KIF1C: variants seen among roughly 807,000 people sequenced by gnomAD.
KIF1C encodes kinesin family member 1C.
Under a neutral mutation model 126.5 loss-of-function variants are expected in KIF1C, and 61 were observed. The observed-to-expected ratio is 0.48, with a 90% CI of 0.39 to 0.60. The LOEUF is 0.60. Ranked by LOEUF, KIF1C falls within the 20% of genes least tolerant of loss-of-function variation. KIF1C has a pLI of 0.00. For synonymous variants in KIF1C, 640 were observed against 580.6 expected (o/e 1.10, Z -1.47); for missense variants, 1,315 against 1,489.2 (o/e 0.88, Z 1.93).
chr17:5,004,820 C>A, intron 12 of KIF1C, 35 bp from the exon 13 acceptor site: 1 of 1,613,898 alleles, frequency 6.2e-7, no homozygotes, highest in Non-Finnish European at 8.5e-7. Context: ...TCCCCTGCCC[C>A]CAGGCCTCAC....
rs757633145 is a variant in KIF1C at position 5,023,612 on chromosome 17, T to G, written c.2773T>G (p.Ser925Ala). 3 of 1,613,450 alleles carry G rather than the reference T, an allele frequency of 1.9e-6. No homozygotes were observed. Among genetic ancestry groups the G allele is most frequent in the Non-Finnish European group, 2.5e-6 (3 of 1,179,908 alleles). ...SPPLSSWERV[S>A]RLMEEDPAFR... ...ACCACTGTCAAGCTGGGAGCGGGTG[T>G]CACGGCTCATGGAGGAGGACCCTGC... is the stretch of plus-strand genomic sequence containing the variant. Residue 925 changes from serine (S) to alanine (A), a missense_variant, in exon 23 of 23, where the codon TCA becomes GCA. By Grantham distance (99) the Ser-to-Ala change is moderately conservative. Around this residue, in one of 2 missense-constraint regions of KIF1C, gnomAD observed 441 missense variants for 436.1 expected, o/e 1.01. Transcript: ENST00000320785. This position sits in a 1 kb window ranked among gnomAD's most constrained non-coding sequence, Gnocchi z 4.2.
intron 18 of KIF1C, 57 bp downstream of exon 18, chr17:5,014,894 C>T: frequency 7.2e-7 from 1 of 1,390,968 alleles, no homozygotes; most frequent in South Asian, 1.2e-5. Flanking sequence ...ATGTTCCACC[C>T]CACACACTGA....
intron 16 of KIF1C, among the ~76,000 whole-genome samples, chr17:5,007,755 A>G (rs903310721): frequency 1.3e-5 from 2 of 152,128 alleles, no homozygotes; most frequent in Admixed American, 1.3e-4. Context: ...AGTCAGCCTC[A>G]GGAGAGGGAG....
chr17:5,008,892 A>G (rs1974795734), intron 16 of KIF1C, among the ~76,000 whole-genome samples: 1 of 152,156 alleles, frequency 6.6e-6, no homozygotes, highest in Non-Finnish European at 1.5e-5. Context: ...CCACGGTTGC[A>G]AGGATGGAGG....
At chr17:5,015,317 CTT>C (rs1322027162) in intron 18 of KIF1C, among the ~76,000 whole-genome samples, 2 of 151,542 alleles carry the variant, frequency 1.3e-5, no homozygotes, top group Non-Finnish European at 2.9e-5. Context: ...AGTGTTCGCT[CTT>C]GTCGCCCAGG....
Position 5,024,184 on chromosome 17 carries a change from C to G in KIF1C, c.*33C>G, listed in dbSNP as rs752076418. 6.6e-7 allele frequency: 1 copy of G among 1,507,102 alleles called. No homozygotes were observed. Among genetic ancestry groups the G allele is most frequent in the Non-Finnish European group, 9.0e-7 (1 of 1,108,862 alleles). The allele number at this position is 1,507,102 out of a possible 1,614,324, so 93.4% of individuals were successfully genotyped here. ...ATCCTGGGCAGAGGGCCTGGTGGGG[C>G]CCCTTGCTAGGAGAAGGGAAGACGC... is the stretch of plus-strand genomic sequence containing the variant. On this transcript the variant is annotated 3_prime_UTR_variant, in exon 23 of 23. Transcript: ENST00000320785.
At chr17:5,000,917 A>T in intron 4 of KIF1C, 69 bp downstream of exon 4, 2 of 1,448,044 alleles carry the variant, frequency 1.4e-6, no homozygotes, top group Non-Finnish European at 1.9e-6. Context: ...GGGAGGGGAC[A>T]TGTTAAGAAA....
chr17:5,009,786 C>CA (rs1213067279), intron 16 of KIF1C, among the ~76,000 whole-genome samples: 4,421 of 89,606 alleles, frequency 0.049, 209 homozygotes, highest in African/African-American at 0.16. Context: ...GACTCTGTCT[C>CA]AAAAAAAAAA....
rs2143397795 is a variant in KIF1C at position 5,024,781 on chromosome 17, A to C, written c.*630A>C. On this transcript the variant is annotated 3_prime_UTR_variant, in exon 23 of 23. Transcript: ENST00000320785. ...AATGGCACAGGTCTTAAGCATACTT[A>C]TCAGTGAAGTATTGTATGTGTGCTC... The C allele has an allele frequency of 6.5e-6, 1 of 152,850 alleles. No homozygotes were observed. The highest frequency in any genetic ancestry group is 1.9e-4 in the East Asian group (1 of 5,188). The allele number at this position is 152,850 out of a possible 1,614,324, so 9.5% of individuals were successfully genotyped here.
At chr17:5,008,571 C>T (rs1004174440) in intron 16 of KIF1C, among the ~76,000 whole-genome samples, 2 of 152,242 alleles carry the variant, frequency 1.3e-5, no homozygotes, top group African/African-American at 4.8e-5. Context: ...AGGCTCCTCT[C>T]TGTTTTGTAA....
chr17:5,000,660 G>A lies in KIF1C; in HGVS notation c.107-112G>A, dbSNP rs548475695. The A allele has an allele frequency of 1.8e-4, 180 of 985,358 alleles. No homozygotes were observed. The South Asian group carries it at 2.4e-3, about 13-fold the overall frequency. 61.0% of individuals were successfully genotyped at this position (985,358 alleles called of 1,614,324 possible). The stretch of plus-strand genomic sequence containing the variant: ...AATGTTAAAGGGGAGAGAAGAGTCA[G>A]GACAGTGGTGAGGAGTGGGATGCTT... On this transcript the variant is annotated intron_variant, in intron 3 of 22. Transcript: ENST00000320785.
At chr17:5,012,849 T>C (rs759354972) in intron 16 of KIF1C, among the ~76,000 whole-genome samples, 7 of 152,144 alleles carry the variant, frequency 4.6e-5, no homozygotes, top group African/African-American at 7.2e-5. Flanking sequence ...AGGGCTGTTA[T>C]AATGGAAACA....
chr17:5,014,839 TA>T lies in KIF1C; in HGVS notation c.1666+4del. 6.3e-7 allele frequency: 1 copy of T among 1,582,176 alleles called. No individual in the cohort carries two copies. On this transcript the variant is annotated splice_donor_region_variant and intron_variant, in intron 18 of 22. Transcript: ENST00000320785. ...GCATCCCCCAGCCAGATGGAGAAGG[TA>T]ATGGCTGAGGGGGTGAGAGAGGCCA... is the stretch of plus-strand genomic sequence containing the variant.
intron 6 of KIF1C, 98 bp downstream of exon 6, chr17:5,002,222 G>A: frequency 2.5e-6 from 3 of 1,196,408 alleles, no homozygotes; most frequent in Non-Finnish European, 3.7e-6. Flanking sequence ...GGCTCTGCTG[G>A]TTACTGACTG....
intron 18 of KIF1C, chr17:5,019,636 A>G (rs1975047500): frequency 4.0e-6 from 1 of 250,978 alleles, no homozygotes; most frequent in Non-Finnish European, 8.4e-6. Flanking sequence ...TCAGTGGGAA[A>G]GGTAGGAATG....
intron 17 of KIF1C, 57 bp from the exon 18 acceptor site, chr17:5,014,686 G>T (rs1415237533): frequency 4.8e-6 from 6 of 1,257,844 alleles, no homozygotes; most frequent in Non-Finnish European, 6.8e-6. Context: ...TGGTGTTCAG[G>T]AGGGGCTTGG....
rs1975148052 is a variant in KIF1C, at chr17:5,023,879, G to A, written c.3040G>A (p.Ala1014Thr). The A allele has an allele frequency of 3.9e-6, 6 of 1,536,166 alleles. No individual in the cohort carries two copies. The highest frequency in any genetic ancestry group is 5.3e-6 in the Non-Finnish European group (6 of 1,141,212). ...CCCTGAGGAGGTCACTCCCCATCCA[G>A]CCACCCCTGCCCGCCGGCCTCCGAG... ...QPPEEVTPHP[A>T]TPARRPPSPR... The change falls in exon 23 of 23, where the codon GCC becomes ACC. Residue 1014 changes from alanine to threonine, a missense_variant. Around this residue, in one of 2 missense-constraint regions of KIF1C, gnomAD observed 441 missense variants for 436.1 expected, o/e 1.01. Transcript: ENST00000320785. This position sits in a 1 kb window ranked among gnomAD's most constrained non-coding sequence, Gnocchi z 4.2.
At chr17:5,004,703 G>A in intron 12 of KIF1C, 58 bp downstream of exon 12, 1 of 1,594,322 alleles carries the variant, frequency 6.3e-7, no homozygotes, top group East Asian at 2.2e-5. Context: ...CAGGAGTTCA[G>A]AGGCGAGTTG....
chr17:5,022,853 G>A lies in KIF1C; in HGVS notation c.2628+144G>A, dbSNP rs764220992. Reference sequence around the variant, plus strand: ...GTACGTTTTTTTCAATATTGTTTACGAACCACATGCCTCGCTGTCACCAGG... The same window carrying A: ...GTACGTTTTTTTCAATATTGTTTACAAACCACATGCCTCGCTGTCACCAGG... On this transcript the variant is annotated intron_variant, in intron 22 of 22. Coordinates refer to ENST00000320785, the MANE Select transcript of KIF1C (RefSeq NM_006612.6). This position sits in a 1 kb window ranked among gnomAD's most constrained non-coding sequence, Gnocchi z 4.9. 3.4e-5 allele frequency: 41 copies of A among 1,199,110 alleles called. No individual in the cohort carries two copies. Among genetic ancestry groups the A allele is most frequent in the Non-Finnish European group, 4.1e-5 (38 of 915,886 alleles). The allele number at this position is 1,199,110 out of a possible 1,614,324, so 74.3% of individuals were successfully genotyped here. A position where few individuals can be genotyped will look rare whatever the true frequency, so the allele number is the denominator to read the frequency against.
Sources: allele counts gnomAD v4.1 joint callset (sites outside exome capture counted in the v4.1 genomes callset), GRCh38; gene constraint gnomAD v4.1.1; regional missense constraint gnomAD v4.1.1; non-coding constraint Gnocchi (gnomAD v3.1); transcripts MANE v1.5; gene names NCBI Gene and HGNC (gene_info 2026-07-23, HGNC 2026-07-21).